Variants in TOGARAM2 observed in about 807,000 individuals in gnomAD.
TOGARAM2 encodes the protein TOG array regulator of axonemal microtubules 2, also known as TOG array regulator of axonemal microtubules protein 2.
A neutral mutation model predicts 93.3 loss-of-function variants in TOGARAM2; 85 were observed. The ratio of observed to expected loss-of-function variants is 0.91; its 90% CI spans 0.76 to 1.09. The LOEUF is 1.09. TOGARAM2 is among the 50% of genes least tolerant of loss of function. The probability of loss-of-function intolerance (pLI) is 0.00; values close to 1 mark genes in which losing one functional copy is unlikely to be tolerated. For synonymous variants in TOGARAM2, 593 were observed against 552.8 expected, an observed-to-expected ratio of 1.07 and a Z score of -1.02; for missense variants, 1,277 against 1,334.5, an observed-to-expected ratio of 0.96 and a Z score of 0.67.
rs199864056 is a variant in TOGARAM2 at position 29,006,080 on chromosome 2, CGT to C, written c.830+2410_830+2411del. Reference sequence around the variant, plus strand: ...GTGTGTATGTGTATGTGTGAGAGCACGTGTGTGTGTGTGGGGTGCATGTGTGT... The same window carrying C: ...GTGTGTATGTGTATGTGTGAGAGCACGTGTGTGTGTGGGGTGCATGTGTGT... On this transcript the variant is annotated intron_variant, in intron 6 of 19. Coordinates refer to ENST00000379558, the MANE Select transcript of TOGARAM2 (RefSeq NM_199280.4). Among the ~76,000 whole-genome samples, 1,098 of 126,594 alleles carry C rather than the reference CGT, an allele frequency of 8.7e-3. 26 individuals carry two copies. Among genetic ancestry groups the C allele is most frequent in the African/African-American group, 0.036 (1,047 of 29,236 alleles). The allele number at this position is 126,594 out of a possible 152,430, so 83.1% of individuals were successfully genotyped here.
chr2:28,990,969 G>A (rs777265940), intron 1 of TOGARAM2, among the ~76,000 whole-genome samples: 1 of 125,736 alleles, frequency 8.0e-6, no homozygotes, highest in Non-Finnish European at 1.7e-5. Flanking sequence ...GTATGGACAT[G>A]CGAGTGTGTG....
Position 29,035,663 on chromosome 2 carries a change from A to C in TOGARAM2, c.2418+7A>C. 5.7e-6 allele frequency: 8 copies of C among 1,413,692 alleles called. No individual in the cohort carries two copies. Among genetic ancestry groups the C allele is most frequent in the Non-Finnish European group, 6.5e-6 (7 of 1,072,998 alleles). 87.6% of individuals were successfully genotyped at this position (1,413,692 alleles called of 1,614,324 possible). ...CACTGCCCACCTGGTCCAGGTGAGC[A>C]CCGCTTGCTTTTACTCTCCCACCTG... is the stretch of plus-strand genomic sequence containing the variant. On this transcript the variant is annotated splice_region_variant and intron_variant, in intron 17 of 19. Coordinates refer to ENST00000379558, the MANE Select transcript of TOGARAM2 (RefSeq NM_199280.4).
At chr2:29,002,827 C>A in intron 5 of TOGARAM2, 80 bp downstream of exon 5, 7 of 1,309,492 alleles carry the variant, frequency 5.3e-6, no homozygotes, top group South Asian at 1.4e-5. Context: ...TAGCCTCCAC[C>A]AACCCCTGAC....
At chr2:28,970,345 C>T (rs1671930339) in intron 1 of TOGARAM2, among the ~76,000 whole-genome samples, 1 of 152,178 alleles carries the variant, frequency 6.6e-6, no homozygotes, top group African/African-American at 2.4e-5. Context: ...TGAGTGACCT[C>T]TCTGAGCCTC....
At chr2:28,990,450 T>A (rs1232760633) in intron 1 of TOGARAM2, among the ~76,000 whole-genome samples, 1 of 152,068 alleles carries the variant, frequency 6.6e-6, no homozygotes, top group Non-Finnish European at 1.5e-5. Flanking sequence ...ATTCTGGGTC[T>A]CCCCCGATGG....
chr2:28,989,389 A>G (rs1331172736), intron 1 of TOGARAM2, among the ~76,000 whole-genome samples: 1 of 127,216 alleles, frequency 7.9e-6, no homozygotes, highest in Non-Finnish European at 1.6e-5. Context: ...TTGAAGTGAG[A>G]TAAGCATTAT....
Position 28,994,856 on chromosome 2 carries a change from C to T in TOGARAM2, c.22C>T (p.Pro8Ser), listed in dbSNP as rs1324443789. 6.4e-7 allele frequency: 1 copy of T among 1,552,592 alleles called. No individual in the cohort carries two copies. The highest frequency in any genetic ancestry group is 8.7e-7 in the Non-Finnish European group (1 of 1,147,458). MGTRDDV[P>S]EAKVLVPVAV... ...GGACATGGGCACCCGTGACGATGTC[C>T]CCGAAGGTAAGGGGCACCATGGGAG... The change falls in exon 2 of 20, where the codon CCC (proline) becomes TCC (serine). Residue 8 changes from proline (P) to serine (S), a missense_variant. Coordinates refer to ENST00000379558, the MANE Select transcript of TOGARAM2 (RefSeq NM_199280.4).
intron 10 of TOGARAM2, among the ~76,000 whole-genome samples, chr2:29,020,737 C>G (rs1017573127): frequency 6.6e-6 from 1 of 152,160 alleles, no homozygotes; most frequent in Non-Finnish European, 1.5e-5. Flanking sequence ...GAGAGCGTTG[C>G]AGACAGCATG....
At chr2:29,034,653 C>A (rs1457083103) in intron 16 of TOGARAM2, among the ~76,000 whole-genome samples, 7 of 152,168 alleles carry the variant, frequency 4.6e-5, no homozygotes. Flanking sequence ...TAGTTCTGCA[C>A]AGAGCTGTTC....
In TOGARAM2 at chr2:29,003,469, C is replaced by T. The variant is rs554337634; in HGVS notation, c.640-23C>T. The T allele has an allele frequency of 8.2e-6, 12 of 1,472,184 alleles. No homozygotes were observed. The East Asian group carries it at 3.2e-4, about 40-fold the overall frequency. 91.2% of individuals were successfully genotyped at this position (1,472,184 alleles called of 1,614,324 possible). On this transcript the variant is annotated intron_variant, in intron 5 of 19. Coordinates refer to ENST00000379558, the MANE Select transcript of TOGARAM2 (RefSeq NM_199280.4). ...CATGGGATGTTGCCATAGGCCAGAC[C>T]CCTGTCCCGCCTCTGCTCCCAGGCG...
chr2:29,003,673 C>T lies in TOGARAM2; in HGVS notation c.821C>T (p.Pro274Leu). 2 of 1,541,646 alleles carry T rather than the reference C, an allele frequency of 1.3e-6. No individual in the cohort carries two copies. The highest frequency in any genetic ancestry group is 1.7e-6 in the Non-Finnish European group (2 of 1,145,742). The change falls in exon 6 of 20, where the codon CCA (proline) becomes CTA (leucine). Residue 274 changes from proline (P) to leucine (L), a missense_variant. By Grantham distance (98) the Pro-to-Leu change is moderately conservative. Transcript: ENST00000379558. ...GQGVLTGLRA[P>L]RTRLARGSGP... ...GGAGTCCTCACAGGCCTGAGGGCCC[C>T]ACGCACGCGGTAAGAGCTCCAAGTC...
intron 13 of TOGARAM2, among the ~76,000 whole-genome samples, chr2:29,026,370 G>T (rs1665364363): frequency 1.3e-5 from 2 of 152,154 alleles, no homozygotes; most frequent in Admixed American, 1.3e-4. Flanking sequence ...CCGCCCACAG[G>T]GAGCTGGCAG....
intron 1 of TOGARAM2, among the ~76,000 whole-genome samples, chr2:28,964,355 C>G (rs544452959): frequency 2.0e-5 from 3 of 152,152 alleles, no homozygotes; most frequent in African/African-American, 7.2e-5. Context: ...AATGTAGCCA[C>G]TCTGGTTTTT....
Position 28,981,415 on chromosome 2 carries a change from A to T in TOGARAM2, c.-234A>T, listed in dbSNP as rs1572624777. 1 of 152,394 alleles carries T rather than the reference A, an allele frequency of 6.6e-6. No individual in the cohort carries two copies. Among genetic ancestry groups the T allele is most frequent in the African/African-American group, 2.4e-5 (1 of 41,468 alleles). 9.4% of individuals were successfully genotyped at this position (152,394 alleles called of 1,614,324 possible). Reference sequence around the variant, plus strand: ...CAGGACTGTGTGGCTGGTGGGGGCCAGGGTGGGCCAGGCCTGGGGCTGCCC... The same window carrying T: ...CAGGACTGTGTGGCTGGTGGGGGCCTGGGTGGGCCAGGCCTGGGGCTGCCC... On this transcript the variant is annotated 5_prime_UTR_variant, in exon 1 of 20. Transcript: ENST00000379558.
chr2:29,011,606 T>A, intron 7 of TOGARAM2, 105 bp downstream of exon 7: 1 of 1,139,252 alleles, frequency 8.8e-7, no homozygotes, highest in Non-Finnish European at 1.2e-6. Flanking sequence ...AGAGCTCTTG[T>A]GTCTGGGCCC....
intron 14 of TOGARAM2, among the ~76,000 whole-genome samples, chr2:29,027,932 G>C (rs1407307576): frequency 6.6e-6 from 1 of 152,176 alleles, no homozygotes; most frequent in Non-Finnish European, 1.5e-5. Context: ...TGGGCAGCAG[G>C]CCCAGGTCAG....
At chr2:28,998,376 G>A in intron 3 of TOGARAM2, 123 bp downstream of exon 3, 1 of 649,534 alleles carries the variant, frequency 1.5e-6, no homozygotes, top group Non-Finnish European at 2.7e-6. Flanking sequence ...TGTGGCTCCT[G>A]CTGAAAATAC....
chr2:29,034,669 C>G (rs1287482756), intron 16 of TOGARAM2, among the ~76,000 whole-genome samples: 1 of 152,188 alleles, frequency 6.6e-6, no homozygotes, highest in East Asian at 1.9e-4. Context: ...TGTTCTTATG[C>G]TGGCTGGAAG....
Position 29,035,563 on chromosome 2 carries a change from G to A in TOGARAM2, c.2325G>A (p.Glu775=). 1 of 1,592,398 alleles carries A rather than the reference G, an allele frequency of 6.3e-7. No individual in the cohort carries two copies. The highest frequency in any genetic ancestry group is 8.6e-7 in the Non-Finnish European group (1 of 1,169,394). The change falls in exon 17 of 20, where the codon GAG becomes GAA. Residue 775 remains glutamate (E), a synonymous_variant. Coordinates refer to ENST00000379558, the MANE Select transcript of TOGARAM2 (RefSeq NM_199280.4). ...TACGGGAGCTGACACGGCTGCTGGA[G>A]GCCAAGGACTTCCGGTCCCGGATGG... is the stretch of plus-strand genomic sequence containing the variant. ...EQLRELTRLL[E]AKDFRSRMEG... is the part of the protein sequence containing the mutation.
Sources: gnomAD v4.1 joint callset for allele counts (sites outside exome capture counted in the v4.1 genomes callset) on GRCh38, gnomAD v4.1.1 for gene constraint, MANE v1.5 for transcripts, NCBI Gene and HGNC (gene_info 2026-07-23, HGNC 2026-07-21) for gene names.